Variants in ZBTB16 observed in about 807,000 individuals in gnomAD.
ZBTB16 encodes zinc finger and BTB domain-containing protein 16.
In ZBTB16, 8 loss-of-function variants were observed where a neutral mutation model predicts 56.8. That is an observed-to-expected ratio of 0.14 (90% CI 0.08 to 0.25). ZBTB16 has a LOEUF of 0.25. Ranked by LOEUF, ZBTB16 falls within the 10% of genes least tolerant of loss-of-function variation. ZBTB16 has a pLI of 1.00. For synonymous variants in ZBTB16, 363 were observed against 368.5 expected, an observed-to-expected ratio of 0.98 and a Z score of 0.17; for missense variants, 625 against 903.0, an observed-to-expected ratio of 0.69 and a Z score of 3.95.
At chr11:114,129,738 C>G (rs1374680538) in intron 2 of ZBTB16, among the ~76,000 whole-genome samples, 1 of 152,266 alleles carries the variant, frequency 6.6e-6, no homozygotes, top group Non-Finnish European at 1.5e-5. Flanking sequence ...AGCTGGCAAG[C>G]CGCAATGACG....
intron 4 of ZBTB16, among the ~76,000 whole-genome samples, chr11:114,198,941 C>G (rs1943668196): frequency 6.6e-6 from 1 of 152,278 alleles, no homozygotes; most frequent in Non-Finnish European, 1.5e-5. Flanking sequence ...TGAAGCATCA[C>G]TGCCCTGGAC....
chr11:114,092,829 C>A (rs1940241785), intron 2 of ZBTB16, among the ~76,000 whole-genome samples: 1 of 152,124 alleles, frequency 6.6e-6, no homozygotes, highest in Non-Finnish European at 1.5e-5. Context: ...AAAATGAAGA[C>A]CTCACTTTCT....
intron 3 of ZBTB16, among the ~76,000 whole-genome samples, chr11:114,158,029 A>G (rs1942472157): frequency 1.3e-5 from 2 of 152,002 alleles, no homozygotes; most frequent in East Asian, 3.9e-4. Flanking sequence ...AGGGACTTAC[A>G]CCTTGTATCT....
In ZBTB16 at chr11:114,197,114, G is replaced by C. The variant is rs148386943; in HGVS notation, c.1453+10076G>C. Among the ~76,000 whole-genome samples the C allele has an allele frequency of 6.1e-3, 931 of 152,286 alleles. 9 individuals carry two copies. The highest frequency in any genetic ancestry group is 0.021 in the African/African-American group (886 of 41,556). On this transcript the variant is annotated intron_variant, in intron 4 of 6. Coordinates refer to ENST00000335953, the MANE Select transcript of ZBTB16 (RefSeq NM_006006.6). The stretch of plus-strand genomic sequence containing the variant: ...ATTAGGGCCCACGAGTTCAGCCCAA[G>C]GTTCTCTCCACTGTGACTACAAAAT...
intron 4 of ZBTB16, chr11:114,188,620 G>A (rs1432239437): frequency 2.0e-5 from 3 of 152,168 alleles, no homozygotes; most frequent in African/African-American, 7.2e-5. Context: ...GATATTTATT[G>A]AGTTTCTACA....
At chr11:114,079,779 C>A (rs770835985) in intron 2 of ZBTB16, among the ~76,000 whole-genome samples, 28 of 152,134 alleles carry the variant, frequency 1.8e-4, no homozygotes, top group Admixed American at 6.5e-4. Flanking sequence ...TGGCTCAGCA[C>A]TGGGGTGAGT....
intron 2 of ZBTB16, among the ~76,000 whole-genome samples, chr11:114,074,517 C>G (rs563637558): frequency 7.2e-4 from 109 of 152,334 alleles, no homozygotes; most frequent in South Asian, 4.1e-3. Flanking sequence ...CAACCCATCT[C>G]TTTAAGGAAC....
chr11:114,111,156 C>CGTGTGTGTGTGTGTGTGTGT (rs4020003), intron 2 of ZBTB16, among the ~76,000 whole-genome samples: 23 of 148,848 alleles, frequency 1.5e-4, no homozygotes, highest in African/African-American at 5.7e-4. Context: ...ATCTGTGCTG[C>CGTGTGTGTGTGTGTGTGTGT]GTGTGTGTGT....
chr11:114,137,554 T>C (rs909547572), intron 2 of ZBTB16, among the ~76,000 whole-genome samples: 2 of 152,176 alleles, frequency 1.3e-5, no homozygotes, highest in African/African-American at 4.8e-5. Context: ...CTTGAGGAGT[T>C]CCAGGCCATG....
At position 114,249,792 on chromosome 11, in the gene ZBTB16, G is replaced by A. The variant is rs1251418481; in HGVS notation, c.1793-534G>A. Among the ~76,000 whole-genome samples, 75 of 61,772 alleles carry A rather than the reference G, an allele frequency of 1.2e-3. 6 individuals carry two copies. The highest frequency in any genetic ancestry group is 1.4e-3 in the Non-Finnish European group (43 of 31,626). 40.5% of individuals were successfully genotyped at this position (61,772 alleles called of 152,430 possible). ...GTCTCAAAAAAAAAAAAAAAAAAGA[G>A]AGCTTTAGCAGGATAGGTGTCCCCA... On this transcript the variant is annotated intron_variant, in intron 6 of 6. Coordinates refer to ENST00000335953, the MANE Select transcript of ZBTB16 (RefSeq NM_006006.6).
At chr11:114,242,082 C>A in intron 4 of ZBTB16, 85 bp from the exon 5 acceptor site, 1 of 1,565,780 alleles carries the variant, frequency 6.4e-7, no homozygotes, top group South Asian at 1.1e-5. Flanking sequence ...GTGTGAGTCC[C>A]GACACTGGCT....
chr11:114,192,568 C>T (rs1943523049), intron 4 of ZBTB16, among the ~76,000 whole-genome samples: 1 of 152,336 alleles, frequency 6.6e-6, no homozygotes, highest in East Asian at 1.9e-4. Context: ...AACATGCCTC[C>T]TGACTGGCAT....
intron 3 of ZBTB16, among the ~76,000 whole-genome samples, chr11:114,174,107 G>A (rs970596929): frequency 3.3e-5 from 5 of 152,168 alleles, no homozygotes; most frequent in Admixed American, 6.5e-5. Context: ...TGTAGATGGA[G>A]AAACAGGCCA....
intron 3 of ZBTB16, 97 bp from the exon 4 acceptor site, chr11:114,186,855 C>G (rs1405609963): frequency 8.3e-7 from 1 of 1,212,072 alleles, no homozygotes; most frequent in African/African-American, 1.5e-5. Context: ...GTGTCCAGTC[C>G]CCTTCCCTAG....
intron 4 of ZBTB16, 38 bp downstream of exon 4, chr11:114,187,076 C>T (rs998863957): frequency 4.4e-6 from 7 of 1,597,524 alleles, no homozygotes; most frequent in South Asian, 2.2e-5. Flanking sequence ...AGGTTTTCCA[C>T]AGTGTTGGTA....
rs192879913 is a variant in ZBTB16, at chr11:114,177,805, G to A, written c.1367-9147G>A. ...CTACTCTTAGACTTCAGGAATATTT[G>A]TAATTTTTTTTGGAGACAGAGTATC... On this transcript the variant is annotated intron_variant, in intron 3 of 6. Coordinates refer to ENST00000335953, the MANE Select transcript of ZBTB16 (RefSeq NM_006006.6). Among the ~76,000 whole-genome samples the A allele has an allele frequency of 1.8e-3, 268 of 152,242 alleles. 1 individual carries two copies. The highest frequency in any genetic ancestry group is 1.5e-3 in the South Asian group (7 of 4,822).
intron 2 of ZBTB16, among the ~76,000 whole-genome samples, chr11:114,134,482 A>G (rs542762230): frequency 7.2e-5 from 11 of 152,312 alleles, no homozygotes; most frequent in African/African-American, 2.4e-4. Context: ...TGTGAGGGTA[A>G]GGAAAGGGCT....
intron 2 of ZBTB16, among the ~76,000 whole-genome samples, chr11:114,153,514 G>A (rs1321387033): frequency 7.9e-5 from 12 of 152,328 alleles, no homozygotes; most frequent in African/African-American, 1.2e-4. Flanking sequence ...GAGTCATTCC[G>A]AGGACAGGCT....
At chr11:114,242,072 G>A (rs1007078363) in intron 4 of ZBTB16, 95 bp from the exon 5 acceptor site, 4 of 1,508,794 alleles carry the variant, frequency 2.7e-6, no homozygotes, top group African/African-American at 1.4e-5. Context: ...GGATTTGGAG[G>A]TGTGAGTCCC....
Sources: gnomAD v4.1 joint callset for allele counts (sites outside exome capture counted in the v4.1 genomes callset) on GRCh38, gnomAD v4.1.1 for gene constraint, MANE v1.5 for transcripts, NCBI Gene and HGNC (gene_info 2026-07-23, HGNC 2026-07-21) for gene names.